Variants in CCSER1 observed in about 807,000 individuals in gnomAD.
CCSER1 encodes coiled-coil serine rich protein 1.
In CCSER1, 41 loss-of-function variants were observed where a neutral mutation model predicts 82.0. That is an observed-to-expected ratio of 0.50 (90% confidence interval 0.39 to 0.65). The LOEUF is 0.65. Among genes scored for constraint, CCSER1 ranks in the 30% least tolerant of loss-of-function variants. CCSER1 has a pLI of 0.00. For synonymous variants in CCSER1, 414 were observed against 383.9 expected, an observed-to-expected ratio of 1.08 and a Z score of -0.92; for missense variants, 1,119 against 1,064.2, an observed-to-expected ratio of 1.05 and a Z score of -0.72.
intron 9 of CCSER1, among the ~76,000 whole-genome samples, chr4:90,963,552 C>T (rs373031314): frequency 2.6e-5 from 4 of 151,820 alleles, no homozygotes; most frequent in Non-Finnish European, 5.9e-5. Flanking sequence ...AATGAAAGTA[C>T]ACCCTAATCC....
At chr4:90,195,384 A>G (rs1179949436) in intron 1 of CCSER1, among the ~76,000 whole-genome samples, 5 of 152,134 alleles carry the variant, frequency 3.3e-5, no homozygotes, top group Non-Finnish European at 7.4e-5. Context: ...TTTCAACTAT[A>G]TGACAGTCCA....
chr4:91,570,093 A>G (rs1763098976), intron 10 of CCSER1, among the ~76,000 whole-genome samples: 1 of 152,182 alleles, frequency 6.6e-6, no homozygotes, highest in Non-Finnish European at 1.5e-5. Context: ...CAAACCTTAA[A>G]GCTGCAAAAT....
At chr4:90,316,149 A>G (rs1736124031) in intron 3 of CCSER1, among the ~76,000 whole-genome samples, 1 of 152,208 alleles carries the variant, frequency 6.6e-6, no homozygotes, top group Non-Finnish European at 1.5e-5. Context: ...CAACAGTACT[A>G]TCAACTAAAT....
At chr4:91,019,508 A>C (rs991579139) in intron 9 of CCSER1, among the ~76,000 whole-genome samples, 1 of 152,158 alleles carries the variant, frequency 6.6e-6, no homozygotes, top group East Asian at 1.9e-4. Context: ...AACATTATCA[A>C]CTTTGTGCTT....
At chr4:90,886,406 T>G (rs1422271039) in intron 8 of CCSER1, among the ~76,000 whole-genome samples, 1 of 152,188 alleles carries the variant, frequency 6.6e-6, no homozygotes, top group Non-Finnish European at 1.5e-5. Flanking sequence ...TCAGCCTAAG[T>G]GAGCTACCTC....
chr4:91,177,427 T>C (rs1023553074), intron 10 of CCSER1, among the ~76,000 whole-genome samples: 5 of 152,178 alleles, frequency 3.3e-5, no homozygotes, highest in Non-Finnish European at 5.9e-5. Flanking sequence ...TGGTAGAATT[T>C]GGCTGTGAAT....
chr4:91,279,605 G>A (rs1042367031), intron 10 of CCSER1, among the ~76,000 whole-genome samples: 1 of 151,724 alleles, frequency 6.6e-6, no homozygotes, highest in Non-Finnish European at 1.5e-5. Flanking sequence ...TCTTTTTTGT[G>A]ATATCTATCT....
intron 10 of CCSER1, among the ~76,000 whole-genome samples, chr4:91,370,231 T>C: frequency 6.6e-6 from 1 of 152,176 alleles, no homozygotes; most frequent in Admixed American, 6.6e-5. Context: ...AATGTTTTAT[T>C]AAATAACATT....
At chr4:90,149,491 G>A (rs1370906313) in intron 1 of CCSER1, among the ~76,000 whole-genome samples, 1 of 152,120 alleles carries the variant, frequency 6.6e-6, no homozygotes, top group Non-Finnish European at 1.5e-5. Flanking sequence ...CATCAACTGG[G>A]AAATTACTCA....
intron 5 of CCSER1, among the ~76,000 whole-genome samples, chr4:90,516,213 A>G (rs1772247466): frequency 1.3e-5 from 2 of 152,216 alleles, no homozygotes; most frequent in South Asian, 2.1e-4. Context: ...AGTTCCTAGC[A>G]GAAGAAATAG....
Position 90,496,235 on chromosome 4 carries a change from G to A in CCSER1, c.1724+27881G>A, listed in dbSNP as rs530782870. Among the ~76,000 whole-genome samples, 17 of 152,186 alleles carry A rather than the reference G, an allele frequency of 1.1e-4. 1 individual carries two copies. The South Asian group carries it at 2.1e-3, about 19-fold the overall frequency. On this transcript the variant is annotated intron_variant, in intron 5 of 10. Transcript: ENST00000509176. ...GGTGACAGTTACAGAACTATTCAGG[G>A]ATAGCATGAAACACATAAAATATTG...
At chr4:90,794,258 A>G (rs1407236745) in intron 7 of CCSER1, among the ~76,000 whole-genome samples, 3 of 152,148 alleles carry the variant, frequency 2.0e-5, no homozygotes, top group African/African-American at 7.2e-5. Context: ...CCTGAATGGT[A>G]TTGCCTAAGT....
rs761226657 is a variant in CCSER1 at position 90,628,097 on chromosome 4, C to T, written c.1797C>T (p.Asn599=). Residue 599 remains asparagine (N), a synonymous_variant, in exon 6 of 11, where the codon AAC becomes AAT. Transcript: ENST00000509176. ...ARCSHISRMP[N]SPSADWPLQG... is the part of the protein sequence containing the mutation. ...GTTCCCACATCAGCCGAATGCCCAA[C>T]AGTCCATCTGCGGATTGGCCTCTAC... The T allele has an allele frequency of 6.2e-7, 1 of 1,613,652 alleles. No individual in the cohort carries two copies. Among genetic ancestry groups the T allele is most frequent in the Non-Finnish European group, 8.5e-7 (1 of 1,179,698 alleles).
intron 10 of CCSER1, among the ~76,000 whole-genome samples, chr4:91,231,527 A>G (rs4693272): frequency 0.68 from 103,096 of 151,452 alleles, 36,052 homozygotes; most frequent in East Asian, 0.93. Flanking sequence ...GTTCACACAG[A>G]TGACTTAAGA....
chr4:91,359,238 G>A (rs2149310206), intron 10 of CCSER1, among the ~76,000 whole-genome samples: 1 of 151,948 alleles, frequency 6.6e-6, no homozygotes, highest in Admixed American at 6.6e-5. Flanking sequence ...TACAATGTCT[G>A]TAATCTATGA....
At chr4:90,644,323 T>C (rs886965191) in intron 6 of CCSER1, among the ~76,000 whole-genome samples, 1 of 152,102 alleles carries the variant, frequency 6.6e-6, no homozygotes, top group Non-Finnish European at 1.5e-5. Context: ...TTTTTAATAG[T>C]TTTGTTCATG....
chr4:91,085,665 G>A (rs1723308532), intron 9 of CCSER1, among the ~76,000 whole-genome samples: 1 of 151,958 alleles, frequency 6.6e-6, no homozygotes, highest in South Asian at 2.1e-4. Flanking sequence ...AACATCTTTG[G>A]TTTCAACAAA....
intron 1 of CCSER1, among the ~76,000 whole-genome samples, chr4:90,205,071 A>G (rs1738529736): frequency 6.6e-6 from 1 of 152,212 alleles, no homozygotes; most frequent in Non-Finnish European, 1.5e-5. Flanking sequence ...GAAGTTGCTT[A>G]TCAGCTTAAG....
At chr4:91,505,454 A>C (rs929680673) in intron 10 of CCSER1, among the ~76,000 whole-genome samples, 1 of 152,226 alleles carries the variant, frequency 6.6e-6, no homozygotes. Flanking sequence ...CTTTGGGTAT[A>C]TACCCAGTAA....
Sources: gnomAD v4.1 joint callset for allele counts (sites outside exome capture counted in the v4.1 genomes callset) on GRCh38, gnomAD v4.1.1 for gene constraint, MANE v1.5 for transcripts, NCBI Gene and HGNC (gene_info 2026-07-23, HGNC 2026-07-21) for gene names.